The following PPP1R1C variants were observed in gnomAD, a reference collection of about 807,000 sequenced individuals.
PPP1R1C encodes the protein protein phosphatase 1 regulatory inhibitor subunit 1C.
In PPP1R1C, 15 loss-of-function variants were observed where a neutral mutation model predicts 17.4. That is an observed-to-expected ratio of 0.86 (90% CI 0.58 to 1.33). The LOEUF is 1.33. Among genes scored for constraint, PPP1R1C ranks in the 40% most tolerant of loss-of-function variants. PPP1R1C has a pLI of 0.00. For synonymous variants in PPP1R1C, 35 were observed against 43.1 expected, an observed-to-expected ratio of 0.81 and a Z score of 0.73; for missense variants, 143 against 130.0, an observed-to-expected ratio of 1.10 and a Z score of -0.48.
intron 2 of PPP1R1C, among the ~76,000 whole-genome samples, chr2:182,030,331 C>T (rs1467234502): frequency 2.6e-5 from 4 of 152,090 alleles, no homozygotes; most frequent in Admixed American, 1.3e-4. Flanking sequence ...GTTTTTTCCC[C>T]ATCTTTGTGG....
chr2:182,043,661 A>G (rs1361013657), intron 2 of PPP1R1C, among the ~76,000 whole-genome samples: 1 of 150,816 alleles, frequency 6.6e-6, no homozygotes, highest in African/African-American at 2.4e-5. Context: ...CGTAAGTTGT[A>G]TAGGTTACCA....
chr2:182,109,636 G>T (rs1689359319), intron 4 of PPP1R1C, among the ~76,000 whole-genome samples: 1 of 152,086 alleles, frequency 6.6e-6, no homozygotes, highest in Non-Finnish European at 1.5e-5. Flanking sequence ...TTTCTCCTTT[G>T]TCAAAGATTA....
intron 2 of PPP1R1C, among the ~76,000 whole-genome samples, chr2:182,058,776 C>G (rs1487611758): frequency 6.6e-5 from 10 of 152,092 alleles, no homozygotes; most frequent in African/African-American, 2.4e-4. Flanking sequence ...TTTCTGCCAG[C>G]CTCAACCATG....
chr2:182,032,196 G>C (rs1381133794), intron 2 of PPP1R1C, among the ~76,000 whole-genome samples: 1 of 152,172 alleles, frequency 6.6e-6, no homozygotes, highest in Non-Finnish European at 1.5e-5. Context: ...CCTTTCAACT[G>C]AGCTAATCCA....
intron 5 of PPP1R1C, among the ~76,000 whole-genome samples, chr2:182,125,811 C>T (rs1689859378): frequency 6.6e-6 from 1 of 151,988 alleles, no homozygotes; most frequent in Non-Finnish European, 1.5e-5. Context: ...GTCTGGCTAG[C>T]AGTCTATCTA....
intron 1 of PPP1R1C, among the ~76,000 whole-genome samples, chr2:181,986,448 T>A (rs1685300503): frequency 6.6e-6 from 1 of 152,214 alleles, no homozygotes; most frequent in Admixed American, 6.5e-5. Context: ...GCAATTCAGA[T>A]ATGGATTCAT....
intron 2 of PPP1R1C, among the ~76,000 whole-genome samples, chr2:182,011,078 T>G (rs1392991666): frequency 6.6e-6 from 1 of 152,086 alleles, no homozygotes; most frequent in Non-Finnish European, 1.5e-5. Context: ...GCCTGTAGTT[T>G]TCTTTACTTT....
At chr2:182,034,450 A>G (rs1010442968) in intron 2 of PPP1R1C, among the ~76,000 whole-genome samples, 1 of 152,186 alleles carries the variant, frequency 6.6e-6, no homozygotes, top group African/African-American at 2.4e-5. Flanking sequence ...TGAGGTGGGA[A>G]GAAGAATAAC....
chr2:181,995,122 A>T (rs1559049310), intron 2 of PPP1R1C, among the ~76,000 whole-genome samples: 1 of 152,224 alleles, frequency 6.6e-6, no homozygotes, highest in Non-Finnish European at 1.5e-5. Context: ...ACATATTTAC[A>T]ATCTGACATA....
intron 1 of PPP1R1C, among the ~76,000 whole-genome samples, chr2:181,964,327 A>G (rs762590405): frequency 2.6e-5 from 4 of 152,330 alleles, no homozygotes; most frequent in South Asian, 2.1e-4. Context: ...ATAGTGCTCC[A>G]AAGAAAATAT....
intron 2 of PPP1R1C, among the ~76,000 whole-genome samples, chr2:182,002,439 T>C (rs941570727): frequency 6.6e-6 from 1 of 152,078 alleles, no homozygotes; most frequent in African/African-American, 2.4e-5. Flanking sequence ...AAGAAATATA[T>C]GTAAACTGAA....
intron 5 of PPP1R1C, among the ~76,000 whole-genome samples, chr2:182,126,053 A>G (rs1689864984): frequency 6.6e-6 from 1 of 151,836 alleles, no homozygotes; most frequent in African/African-American, 2.4e-5. Context: ...GCATTTAGGG[A>G]AGCACTGGTT....
intron 4 of PPP1R1C, among the ~76,000 whole-genome samples, chr2:182,094,354 T>G (rs1688870744): frequency 6.6e-6 from 1 of 152,102 alleles, no homozygotes; most frequent in African/African-American, 2.4e-5. Flanking sequence ...CAAGATGAGA[T>G]TTGGGTGGGA....
At chr2:182,047,847 A>G (rs943415387) in intron 2 of PPP1R1C, among the ~76,000 whole-genome samples, 4 of 152,202 alleles carry the variant, frequency 2.6e-5, no homozygotes, top group African/African-American at 9.6e-5. Flanking sequence ...ATATAAGCAG[A>G]AAGGTAGTTT....
chr2:182,116,745 G>T (rs1689594953), intron 4 of PPP1R1C, among the ~76,000 whole-genome samples: 1 of 152,148 alleles, frequency 6.6e-6, no homozygotes, highest in Non-Finnish European at 1.5e-5. Context: ...GTATGTTTAG[G>T]TTCTGAAAGA....
intron 4 of PPP1R1C, among the ~76,000 whole-genome samples, chr2:182,093,545 G>A (rs892318206): frequency 6.6e-6 from 1 of 152,122 alleles, no homozygotes; most frequent in East Asian, 1.9e-4. Context: ...TTATCAGACT[G>A]CAAATTTTCC....
At position 182,037,634 on chromosome 2, in the gene PPP1R1C, T is replaced by C. The variant is rs148896941; in HGVS notation, c.143-23808T>C. 4.0e-5 allele frequency among the ~76,000 whole-genome samples: 6 copies of C among 151,856 alleles called. No individual in the cohort carries two copies. In the East Asian group the frequency reaches 1.2e-3, roughly 29 times the overall value. Reference sequence around the variant, plus strand: ...CCAAGCAATTAAAGAATAGCAATTATAATCAACAAGCTATTGATGGCAACC... The same window carrying C: ...CCAAGCAATTAAAGAATAGCAATTACAATCAACAAGCTATTGATGGCAACC... On this transcript the variant is annotated intron_variant, in intron 2 of 4. Coordinates refer to ENST00000682840, the MANE Select transcript of PPP1R1C (RefSeq NM_001080545.3).
At chr2:181,955,073 G>T (rs1684649227) in intron 1 of PPP1R1C, among the ~76,000 whole-genome samples, 1 of 152,122 alleles carries the variant, frequency 6.6e-6, no homozygotes, top group Non-Finnish European at 1.5e-5. Flanking sequence ...AAAACAAAGA[G>T]AATAATACAG....
At chr2:182,066,866 G>C (rs576620324) in intron 4 of PPP1R1C, among the ~76,000 whole-genome samples, 1 of 151,996 alleles carries the variant, frequency 6.6e-6, no homozygotes, top group South Asian at 2.1e-4. Flanking sequence ...TTGTTGGACT[G>C]CTTGAATCAT....
Sources: allele counts gnomAD v4.1 joint callset (sites outside exome capture counted in the v4.1 genomes callset), GRCh38; gene constraint gnomAD v4.1.1; transcripts MANE v1.5; gene names NCBI Gene and HGNC (gene_info 2026-07-23, HGNC 2026-07-21).